CLDN16: variants seen among roughly 807,000 people sequenced by gnomAD.
CLDN16 encodes claudin-16.
CLDN16 carries 13 observed loss-of-function variants against 24.6 expected under a neutral mutation model. The ratio of observed to expected loss-of-function variants is 0.53; its 90% CI spans 0.34 to 0.84. The LOEUF (loss-of-function observed/expected upper bound fraction) is 0.84, where lower values mean the gene tolerates loss of function less well. Ranked by LOEUF, CLDN16 falls within the 40% of genes least tolerant of loss-of-function variation. CLDN16 has a pLI of 0.01. For missense variants in CLDN16, 298 were observed against 292.7 expected, an observed-to-expected ratio of 1.02 and a Z score of -0.13; for synonymous variants, 116 against 106.7, an observed-to-expected ratio of 1.09 and a Z score of -0.54.
chr3:190,313,033 G>T, the CLDN16 span: 1 of 1,614,118 alleles, frequency 6.2e-7, no homozygotes, highest in South Asian at 1.1e-5. Flanking sequence ...TGCTTGCAAT[G>T]TGCCTGGCAG....
the CLDN16 span, among the ~76,000 whole-genome samples, chr3:190,292,782 A>C: frequency 6.6e-6 from 1 of 152,172 alleles, no homozygotes; most frequent in Middle Eastern, 3.2e-3. Flanking sequence ...TCTTCATTCC[A>C]GTTCCCAGTA....
At position 190,338,879 on chromosome 3, in the gene CLDN16, A is replaced by T. The variant is rs146048937; in HGVS notation, n.121+16218A>T. 8.6e-4 allele frequency among the ~76,000 whole-genome samples: 131 copies of T among 152,230 alleles called. 1 individual carries two copies. Among genetic ancestry groups the T allele is most frequent in the African/African-American group, 3.0e-3 (124 of 41,546 alleles). Reference sequence around the variant, plus strand: ...CTTGGCACTTCTCCAGATCTCCTTGACTGGGCTGGTACACTCATACCCCTG... The same window carrying T: ...CTTGGCACTTCTCCAGATCTCCTTGTCTGGGCTGGTACACTCATACCCCTG... On this transcript the variant is annotated intron_variant and non_coding_transcript_variant, in intron 1 of 4. Coordinates refer to the CLDN16 transcript ENST00000468220.
At chr3:190,343,554 G>C (rs1717484312) in intron 1 of CLDN16, among the ~76,000 whole-genome samples, 1 of 152,008 alleles carries the variant, frequency 6.6e-6, no homozygotes, top group Non-Finnish European at 1.5e-5. Flanking sequence ...AAACAACCTA[G>C]GTGTACATCA....
At chr3:190,387,872 C>G (rs1718544027), upstream of CLDN16, 2 of 555,542 alleles carry the variant, frequency 3.6e-6, no homozygotes, top group Non-Finnish European at 6.5e-6. Flanking sequence ...ACCGTGTAGC[C>G]TTCTTCCGAG....
chr3:190,400,855 T>G (rs1311863593), intron 1 of CLDN16, among the ~76,000 whole-genome samples: 1 of 152,090 alleles, frequency 6.6e-6, no homozygotes, highest in African/African-American at 2.4e-5. Flanking sequence ...TCATAAAGAA[T>G]GGGTTTTAAA....
intron 1 of CLDN16, among the ~76,000 whole-genome samples, chr3:190,361,113 T>G (rs532451813): frequency 6.6e-6 from 1 of 152,178 alleles, no homozygotes; most frequent in Admixed American, 6.6e-5. Flanking sequence ...GCAAAGAAAC[T>G]TGAACACTTC....
rs114731564 is a variant in CLDN16, at chr3:190,390,231, G to A, written c.114+1788G>A. On this transcript the variant is annotated intron_variant, in intron 1 of 4. Transcript: ENST00000264734. The stretch of plus-strand genomic sequence containing the variant: ...AAATGTATTGCTATAATATTCCCAA[G>A]AAGCCTTCACATTTAAAGGAAGAGG... 5.0e-3 allele frequency among the ~76,000 whole-genome samples: 759 copies of A among 152,220 alleles called. 6 individuals carry two copies. The highest frequency in any genetic ancestry group is 0.018 in the African/African-American group (737 of 41,526).
intron 1 of CLDN16, among the ~76,000 whole-genome samples, chr3:190,343,415 A>G (rs1717481604): frequency 6.6e-6 from 1 of 152,174 alleles, no homozygotes. Context: ...AATTAAAAAT[A>G]TAGCTACTAT....
chr3:190,339,805 T>C (rs1196776438), intron 1 of CLDN16, among the ~76,000 whole-genome samples: 1 of 152,198 alleles, frequency 6.6e-6, no homozygotes, highest in Non-Finnish European at 1.5e-5. Flanking sequence ...TTGGTAGTTG[T>C]TATAAAAGTC....
intron 1 of CLDN16, among the ~76,000 whole-genome samples, chr3:190,337,773 T>A (rs1019958808): frequency 4.6e-5 from 7 of 152,182 alleles, no homozygotes; most frequent in African/African-American, 1.4e-4. Flanking sequence ...GTCAGCATTA[T>A]ACAGAAAGGC....
At chr3:190,308,422 G>A in the CLDN16 span, 1 of 1,613,618 alleles carries the variant, frequency 6.2e-7, no homozygotes, top group Non-Finnish European at 8.5e-7. Context: ...AGTGAAGAGA[G>A]CCTGACCAAA....
chr3:190,312,303 ATT>A, the CLDN16 span, among the ~76,000 whole-genome samples: 12 of 151,020 alleles, frequency 7.9e-5, no homozygotes, highest in East Asian at 1.7e-3. Flanking sequence ...GTATTTCTGT[ATT>A]TTTTTTTTCC....
chr3:190,380,901 T>C (rs1441160951), intron 3 of CLDN16, among the ~76,000 whole-genome samples: 2 of 152,136 alleles, frequency 1.3e-5, no homozygotes, highest in Non-Finnish European at 2.9e-5. Flanking sequence ...AATGGTTCTA[T>C]AAAATTAACT....
At chr3:190,406,707 C>T (rs544116247) in intron 3 of CLDN16, among the ~76,000 whole-genome samples, 1 of 147,924 alleles carries the variant, frequency 6.8e-6, no homozygotes, top group African/African-American at 2.5e-5. Context: ...ATATATACTG[C>T]GTTTTCTAAA....
chr3:190,358,976 A>T (rs554279314), intron 1 of CLDN16, among the ~76,000 whole-genome samples: 1 of 152,166 alleles, frequency 6.6e-6, no homozygotes, highest in East Asian at 1.9e-4. Flanking sequence ...TTATTTTTTT[A>T]AAGAATAAAA....
chr3:190,324,643 G>A (rs186669728), intron 1 of CLDN16, among the ~76,000 whole-genome samples: 18 of 152,152 alleles, frequency 1.2e-4, no homozygotes, highest in African/African-American at 3.4e-4. Context: ...GCAGGGTCCC[G>A]TGTTTTTGTT....
upstream of CLDN16, chr3:190,387,878 C>T: frequency 1.8e-6 from 1 of 561,254 alleles, no homozygotes; most frequent in Non-Finnish European, 3.2e-6. Flanking sequence ...TAGCCTTCTT[C>T]CGAGTGGGGA....
chr3:190,322,064 T>G, upstream of CLDN16: 2 of 1,614,156 alleles, frequency 1.2e-6, no homozygotes, highest in Middle Eastern at 1.6e-4. Flanking sequence ...CCACAGCCCC[T>G]CGTACATGGC....
chr3:190,327,940 T>C (rs1414790226), intron 1 of CLDN16, among the ~76,000 whole-genome samples: 1 of 152,160 alleles, frequency 6.6e-6, no homozygotes, highest in East Asian at 1.9e-4. Context: ...TTTTTGTGTG[T>C]GTTTAGAGAA....
Sources: allele counts gnomAD v4.1 joint callset (sites outside exome capture counted in the v4.1 genomes callset), GRCh38; gene constraint gnomAD v4.1.1; transcripts MANE v1.5; gene names NCBI Gene and HGNC (gene_info 2026-07-23, HGNC 2026-07-21).